SCHIP1: variants seen among roughly 807,000 people sequenced by gnomAD.
The protein encoded by SCHIP1 is schwannomin-interacting protein 1.
In SCHIP1, 8 loss-of-function variants were observed where a neutral mutation model predicts 29.7. The ratio of observed to expected loss-of-function variants is 0.27; its 90% confidence interval spans 0.16 to 0.49. The LOEUF (loss-of-function observed/expected upper bound fraction) is 0.49, where lower values mean the gene tolerates loss of function less well. Among genes scored for constraint, SCHIP1 ranks in the 20% least tolerant of loss-of-function variants. The probability of loss-of-function intolerance (pLI) is 0.99; values close to 1 mark genes in which losing one functional copy is unlikely to be tolerated. For missense variants in SCHIP1, 193 were observed against 294.6 expected (o/e 0.66, Z 2.52); for synonymous variants, 76 against 94.9 (o/e 0.80, Z 1.16).
At chr3:159,329,689 T>C in the SCHIP1 span, among the ~76,000 whole-genome samples, 1 of 152,246 alleles carries the variant, frequency 6.6e-6, no homozygotes, top group African/African-American at 2.4e-5. Context: ...TCTATAGTCA[T>C]AATCTTCCTT....
chr3:159,504,126 G>C, the SCHIP1 span, among the ~76,000 whole-genome samples: 9 of 152,164 alleles, frequency 5.9e-5, no homozygotes, highest in Non-Finnish European at 1.3e-4. Context: ...ACAGAGGAGA[G>C]AGGACAGAGC....
the SCHIP1 span, among the ~76,000 whole-genome samples, chr3:159,494,690 T>C: frequency 6.6e-6 from 1 of 152,182 alleles, no homozygotes; most frequent in African/African-American, 2.4e-5. Flanking sequence ...GAGGAGCTGG[T>C]ACCATTCCTT....
chr3:159,346,246 T>A, the SCHIP1 span, among the ~76,000 whole-genome samples: 1 of 120,322 alleles, frequency 8.3e-6, no homozygotes, highest in Admixed American at 8.7e-5. Flanking sequence ...TCAGAAACAA[T>A]GAGGAATAAG....
the SCHIP1 span, among the ~76,000 whole-genome samples, chr3:159,828,657 C>T: frequency 3.3e-5 from 5 of 151,760 alleles, no homozygotes; most frequent in East Asian, 1.9e-4. Context: ...TTCAACATCA[C>T]GGTCTGTTCT....
chr3:159,772,236 C>T, the SCHIP1 span, among the ~76,000 whole-genome samples: 1 of 152,204 alleles, frequency 6.6e-6, no homozygotes, highest in African/African-American at 2.4e-5. Flanking sequence ...CTGCAACCCC[C>T]ATCTCCCAGT....
chr3:159,698,766 G>A, the SCHIP1 span, among the ~76,000 whole-genome samples: 6 of 152,158 alleles, frequency 3.9e-5, no homozygotes, highest in East Asian at 1.2e-3. Context: ...AGTCTCCCGA[G>A]TAGCTGGGAT....
At chr3:159,537,755 C>T in the SCHIP1 span, among the ~76,000 whole-genome samples, 4 of 152,074 alleles carry the variant, frequency 2.6e-5, no homozygotes, top group Non-Finnish European at 4.4e-5. Context: ...GCTACATTTA[C>T]ATTTGTTAAA....
At chr3:159,868,912 G>C (rs1023937834) in intron 2 of SCHIP1, among the ~76,000 whole-genome samples, 1 of 151,956 alleles carries the variant, frequency 6.6e-6, no homozygotes, top group African/African-American at 2.4e-5. Context: ...ACTCCTACCA[G>C]CAATGTTTCA....
the SCHIP1 span, among the ~76,000 whole-genome samples, chr3:159,416,294 T>C: frequency 2.4e-4 from 36 of 152,214 alleles, no homozygotes; most frequent in African/African-American, 7.2e-4. Context: ...AGGTCCTGGC[T>C]CCACCTCCAT....
the SCHIP1 span, among the ~76,000 whole-genome samples, chr3:159,619,912 G>A: frequency 6.6e-6 from 1 of 152,188 alleles, no homozygotes; most frequent in Non-Finnish European, 1.5e-5. Flanking sequence ...AAAACATGAA[G>A]TCCATGGTAT....
the SCHIP1 span, among the ~76,000 whole-genome samples, chr3:159,444,231 A>T: frequency 6.6e-6 from 1 of 152,132 alleles, no homozygotes; most frequent in Admixed American, 6.6e-5. Flanking sequence ...GAATTGTCCC[A>T]CTGAGAGGAG....
chr3:159,839,635 T>C (rs1037207923), upstream of SCHIP1, among the ~76,000 whole-genome samples: 10 of 131,892 alleles, frequency 7.6e-5, no homozygotes, highest in African/African-American at 3.0e-4. Flanking sequence ...TTTCTTTTTT[T>C]TTTTTTTTTT....
At chr3:159,273,609 T>TG in the SCHIP1 span, 1 of 1,299,544 alleles carries the variant, frequency 7.7e-7, no homozygotes. Flanking sequence ...TGCCAATACT[T>TG]GAAGATTTCT....
chr3:159,383,811 A>G, the SCHIP1 span, among the ~76,000 whole-genome samples: 1 of 151,274 alleles, frequency 6.6e-6, no homozygotes, highest in East Asian at 1.9e-4. Flanking sequence ...TTCTCCTTGA[A>G]GAGGTCCTTC....
the SCHIP1 span, among the ~76,000 whole-genome samples, chr3:159,798,528 C>T: frequency 6.6e-6 from 1 of 151,900 alleles, no homozygotes; most frequent in Non-Finnish European, 1.5e-5. Context: ...AAGGCAGAAG[C>T]GGGGGGATCA....
chr3:159,766,499 T>A, the SCHIP1 span, among the ~76,000 whole-genome samples: 1 of 152,212 alleles, frequency 6.6e-6, no homozygotes, highest in Non-Finnish European at 1.5e-5. Flanking sequence ...ATAGAAAATA[T>A]CCTTTTCCCA....
chr3:159,496,238 A>G, the SCHIP1 span, among the ~76,000 whole-genome samples: 5 of 151,964 alleles, frequency 3.3e-5, no homozygotes, highest in South Asian at 2.1e-4. Flanking sequence ...GGCAACAAAA[A>G]CCAAAATTGA....
chr3:159,847,643 G>C (rs1373843599), intron 1 of SCHIP1, among the ~76,000 whole-genome samples: 2 of 152,098 alleles, frequency 1.3e-5, no homozygotes, highest in South Asian at 2.1e-4. Context: ...TGAGTTTCTC[G>C]TGCTTGGTTT....
At chr3:159,384,421 G>A in the SCHIP1 span, among the ~76,000 whole-genome samples, 1 of 150,714 alleles carries the variant, frequency 6.6e-6, no homozygotes, top group Non-Finnish European at 1.5e-5. Context: ...TTATTGATTT[G>A]TGTATATTGA....
Sources: gnomAD v4.1 joint callset for allele counts (sites outside exome capture counted in the v4.1 genomes callset) on GRCh38, gnomAD v4.1.1 for gene constraint, MANE v1.5 for transcripts, NCBI Gene and HGNC (gene_info 2026-07-23, HGNC 2026-07-21) for gene names.